Variants in DNAH6 observed in about 807,000 individuals in gnomAD.
DNAH6 encodes the protein dynein axonemal heavy chain 6.
Under a neutral mutation model 491.4 loss-of-function variants are expected in DNAH6, and 340 were observed. The observed-to-expected ratio is 0.69, with a 90% confidence interval of 0.63 to 0.76. The LOEUF (loss-of-function observed/expected upper bound fraction) is 0.76. Ranked by LOEUF, DNAH6 falls within the 30% of genes least tolerant of loss-of-function variation. DNAH6 has a pLI of 0.00. For synonymous variants in DNAH6, 1,603 were observed against 1,686.1 expected (o/e 0.95, Z 1.21); for missense variants, 4,443 against 4,972.2 (o/e 0.89, Z 3.20).
intron 63 of DNAH6, among the ~76,000 whole-genome samples, chr2:84,758,343 T>G (rs1387042419): frequency 6.6e-6 from 1 of 152,152 alleles, no homozygotes; most frequent in Non-Finnish European, 1.5e-5. Context: ...GTTTATATAA[T>G]CAAGGCCTTT....
At chr2:84,567,099 T>A (rs1681281190) in intron 11 of DNAH6, among the ~76,000 whole-genome samples, 1 of 152,176 alleles carries the variant, frequency 6.6e-6, no homozygotes, top group Admixed American at 6.5e-5. Context: ...ATAGAATGAA[T>A]TGATAAATTT....
Position 84,814,131 on chromosome 2 carries a change from C to T in DNAH6, c.12150+9C>T. ...TGCCCATGGACATGGAGGTATTGTCCACCTGGCTGTTATGGCAAAGCAGCT... is the reference window on the plus strand; with the variant it reads ...TGCCCATGGACATGGAGGTATTGTCTACCTGGCTGTTATGGCAAAGCAGCT... On this transcript the variant is annotated intron_variant, in intron 75 of 76. Coordinates refer to ENST00000389394, the MANE Select transcript of DNAH6 (RefSeq NM_001370.2). 1.3e-6 allele frequency: 2 copies of T among 1,549,794 alleles called. No homozygotes were observed. Among genetic ancestry groups the T allele is most frequent in the Non-Finnish European group, 8.7e-7 (1 of 1,145,786 alleles).
intron 41 of DNAH6, among the ~76,000 whole-genome samples, chr2:84,680,706 G>A (rs1037732822): frequency 1.3e-5 from 2 of 151,964 alleles, no homozygotes; most frequent in African/African-American, 4.8e-5. Flanking sequence ...AAATGGAGAG[G>A]CCAGAGTGAA....
the DNAH6 span, among the ~76,000 whole-genome samples, chr2:84,479,536 C>T: frequency 1.3e-5 from 2 of 152,212 alleles, no homozygotes; most frequent in Admixed American, 6.5e-5. Flanking sequence ...TTACCAATGT[C>T]TACACACAAG....
At chr2:84,647,712 C>A (rs1573351666) in intron 33 of DNAH6, among the ~76,000 whole-genome samples, 1 of 152,174 alleles carries the variant, frequency 6.6e-6, no homozygotes, top group Admixed American at 6.5e-5. Flanking sequence ...CTTGTGGCTG[C>A]AGAATTTAAC....
chr2:84,539,229 C>G (rs998239529), intron 4 of DNAH6, among the ~76,000 whole-genome samples: 1 of 152,066 alleles, frequency 6.6e-6, no homozygotes, highest in African/African-American at 2.4e-5. Flanking sequence ...ACAAGCATTT[C>G]TCTTCCCTGG....
At chr2:84,643,396 T>A (rs1255778573) in intron 33 of DNAH6, among the ~76,000 whole-genome samples, 3 of 152,140 alleles carry the variant, frequency 2.0e-5, no homozygotes, top group Admixed American at 2.0e-4. Flanking sequence ...GTTTCCTGGA[T>A]CTAAGGTTTG....
chr2:84,584,941 A>T (rs1442553358), intron 15 of DNAH6: 1 of 152,282 alleles, frequency 6.6e-6, no homozygotes, highest in African/African-American at 2.4e-5. Flanking sequence ...ATTGGTAGTG[A>T]AGAATATTTG....
intron 24 of DNAH6, 37 bp from the exon 25 acceptor site, chr2:84,621,154 C>T: frequency 1.3e-6 from 2 of 1,547,708 alleles, no homozygotes; most frequent in Non-Finnish European, 1.7e-6. Context: ...ACAAGTCCCA[C>T]ACAAGCCACT....
intron 47 of DNAH6, among the ~76,000 whole-genome samples, chr2:84,698,379 A>G (rs1254507448): frequency 2.0e-5 from 3 of 152,234 alleles, no homozygotes; most frequent in African/African-American, 2.4e-5. Context: ...TATTAAAGGG[A>G]CACAGAATCA....
the DNAH6 span, among the ~76,000 whole-genome samples, chr2:84,488,387 AAAAAAT>A: frequency 1.1e-5 from 1 of 89,012 alleles, no homozygotes; most frequent in Non-Finnish European, 3.4e-5. Context: ...AAAAAAAATT[AAAAAAT>A]AAAAAAATAA....
rs760471495 is a variant in DNAH6 at position 84,583,975 on chromosome 2, T to A, written c.2230-24T>A. ...TAAACTAGGATTCTGCTACATTTAA[T>A]GAGCAAACTATGTTTCCATTTAGAT... On this transcript the variant is annotated intron_variant, in intron 14 of 76. Transcript: ENST00000389394. 9.3e-6 allele frequency: 15 copies of A among 1,609,568 alleles called. 1 individual carries two copies. In the South Asian group the frequency reaches 1.7e-4, roughly 18 times the overall value.
intron 64 of DNAH6, 63 bp downstream of exon 64, chr2:84,763,008 T>C (rs940263313): frequency 1.5e-6 from 2 of 1,363,340 alleles, no homozygotes; most frequent in African/African-American, 2.9e-5. Context: ...TGTTAAAATT[T>C]GCCTTTGTTC....
rs1573527914 is a variant in DNAH6, at chr2:84,699,634, A to G, written c.7718A>G (p.His2573Arg). ...ATCAGCAAAGTGCGTCAGAAGCTGC[A>G]CATTGTTCTCTGCATGAGCCCAGTT... is the stretch of plus-strand genomic sequence containing the variant. ...YFISKVRQKL[H>R]IVLCMSPVGE... The change falls in exon 48 of 77, where the codon CAC (histidine) becomes CGC (arginine). Residue 2573 changes from histidine to arginine, a missense_variant. Transcript: ENST00000389394. 1.9e-6 allele frequency: 3 copies of G among 1,551,852 alleles called. No homozygotes were observed. The highest frequency in any genetic ancestry group is 3.9e-5 in the Admixed American group (2 of 51,004).
chr2:84,643,977 G>A (rs985355004), intron 33 of DNAH6, among the ~76,000 whole-genome samples: 1 of 151,758 alleles, frequency 6.6e-6, no homozygotes, highest in East Asian at 1.9e-4. Context: ...CTTGATAGCT[G>A]GACATGATGT....
chr2:84,586,303 G>T (rs1446772091), intron 15 of DNAH6, among the ~76,000 whole-genome samples: 4 of 152,210 alleles, frequency 2.6e-5, no homozygotes, highest in African/African-American at 9.6e-5. Flanking sequence ...GCTCCATGGA[G>T]TGTGCCACTG....
chr2:84,556,963 TAAGG>T (rs1404909184), intron 10 of DNAH6, among the ~76,000 whole-genome samples: 1 of 152,240 alleles, frequency 6.6e-6, no homozygotes, highest in Non-Finnish European at 1.5e-5. Context: ...TTTTGAACCT[TAAGG>T]GTTTCTCTAA....
chr2:84,604,351 A>G lies in DNAH6; in HGVS notation c.2881A>G (p.Ile961Val), dbSNP rs1372088360. 3 of 1,551,902 alleles carry G rather than the reference A, an allele frequency of 1.9e-6. No individual in the cohort carries two copies. Among genetic ancestry groups the G allele is most frequent in the African/African-American group, 1.4e-5 (1 of 73,036 alleles). Residue 961 changes from isoleucine (I) to valine (V), a missense_variant, in exon 19 of 77, where the codon ATT (isoleucine) becomes GTT (valine). This residue lies in a region of DNAH6 where 2,977 missense variants were observed against 3,296.6 expected (regional missense o/e 0.90). Coordinates refer to ENST00000389394, the MANE Select transcript of DNAH6 (RefSeq NM_001370.2). ...EKMKEKLPVI[I>V]DLRNPTLKAR... ...GTTTGTTTTTCAGCTTCCAGTTATC[A>G]TTGACTTGAGGAACCCGACTTTGAA... is the stretch of plus-strand genomic sequence containing the variant.
chr2:84,644,483 G>A (rs1689714432), intron 33 of DNAH6, among the ~76,000 whole-genome samples: 1 of 151,370 alleles, frequency 6.6e-6, no homozygotes, highest in Admixed American at 6.6e-5. Context: ...GTACAGTTTT[G>A]TTATGTAGGT....
Sources: gnomAD v4.1 joint callset for allele counts (sites outside exome capture counted in the v4.1 genomes callset) on GRCh38, gnomAD v4.1.1 for gene constraint, gnomAD v4.1.1 regional missense constraint, MANE v1.5 for transcripts, NCBI Gene and HGNC (gene_info 2026-07-23, HGNC 2026-07-21) for gene names.